Variants in ASTN2 observed in about 807,000 individuals in gnomAD.
ASTN2 encodes the protein astrotactin-2.
ASTN2 carries 54 observed loss-of-function variants against 139.8 expected under a neutral mutation model. The ratio of observed to expected loss-of-function variants is 0.39; its 90% confidence interval spans 0.31 to 0.48. ASTN2 has a LOEUF of 0.48. Among genes scored for constraint, ASTN2 ranks in the 20% least tolerant of loss-of-function variants. ASTN2 has a pLI of 0.95. For synonymous variants in ASTN2, 756 were observed against 719.5 expected, an observed-to-expected ratio of 1.05 and a Z score of -0.81; for missense variants, 1,565 against 1,725.1, an observed-to-expected ratio of 0.91 and a Z score of 1.64.
chr9:117,381,324 G>T (rs1830264243), intron 1 of ASTN2, among the ~76,000 whole-genome samples: 1 of 152,120 alleles, frequency 6.6e-6, no homozygotes, highest in South Asian at 2.1e-4. Context: ...AAGTGATATG[G>T]CTTGGATATT....
At chr9:116,743,521 C>A (rs1829150013) in intron 13 of ASTN2, among the ~76,000 whole-genome samples, 1 of 152,128 alleles carries the variant, frequency 6.6e-6, no homozygotes, top group Non-Finnish European at 1.5e-5. Context: ...CATGCCGCTG[C>A]ACTCCAGTGA....
At chr9:116,686,994 G>A (rs1230448650) in intron 16 of ASTN2, 10 of 1,421,424 alleles carry the variant, frequency 7.0e-6, no homozygotes, top group Non-Finnish European at 9.2e-6. Flanking sequence ...TACCCTGGAG[G>A]CTACCGTTTT....
chr9:116,466,588 C>G (rs1192683489), intron 20 of ASTN2, among the ~76,000 whole-genome samples: 1 of 152,146 alleles, frequency 6.6e-6, no homozygotes, highest in Non-Finnish European at 1.5e-5. Context: ...GACAGAACAT[C>G]CAGTGTAAGA....
At chr9:116,820,544 G>C in intron 12 of ASTN2, 73 bp downstream of exon 12, 1 of 1,537,506 alleles carries the variant, frequency 6.5e-7, no homozygotes, top group Non-Finnish European at 8.8e-7. Context: ...CTGAGCTGTA[G>C]TGTCTGATCA....
chr9:116,622,323 C>T (rs1322941594), intron 17 of ASTN2, among the ~76,000 whole-genome samples: 1 of 152,120 alleles, frequency 6.6e-6, no homozygotes, highest in Non-Finnish European at 1.5e-5. Flanking sequence ...TGTTCTTATC[C>T]ATATCTTCTC....
At chr9:116,703,951 A>G (rs1007741350) in intron 16 of ASTN2, among the ~76,000 whole-genome samples, 1 of 152,192 alleles carries the variant, frequency 6.6e-6, no homozygotes, top group African/African-American at 2.4e-5. Context: ...GTGTAGCAAA[A>G]TATACACTTA....
At chr9:117,322,958 A>AT (rs899042353) in intron 1 of ASTN2, among the ~76,000 whole-genome samples, 33 of 151,788 alleles carry the variant, frequency 2.2e-4, no homozygotes, top group Non-Finnish European at 3.5e-4. Flanking sequence ...AAGAACAATA[A>AT]TTTTTTTTTC....
intron 3 of ASTN2, among the ~76,000 whole-genome samples, chr9:117,183,991 AC>A (rs1397668769): frequency 6.6e-6 from 1 of 152,182 alleles, no homozygotes; most frequent in Non-Finnish European, 1.5e-5. Context: ...AGCCCTCAGA[AC>A]CAAGCCAATT....
In ASTN2 at chr9:116,698,257, G is replaced by T; in HGVS notation, c.2806+27514C>A. On this transcript the variant is annotated intron_variant, in intron 16 of 22. Coordinates refer to ENST00000313400, the MANE Select transcript of ASTN2 (RefSeq NM_001365068.1). This position sits in a 1 kb window ranked among gnomAD's most constrained non-coding sequence, Gnocchi z 4.4. ...CAGCGGCGGAAGGCAGCCTTGGAAG[G>T]TGTCTCCAAGGACCTTCAGGCAAGG... is the stretch of plus-strand genomic sequence containing the variant. 3 of 1,614,188 alleles carry T rather than the reference G, an allele frequency of 1.9e-6. No individual in the cohort carries two copies. The highest frequency in any genetic ancestry group is 2.5e-6 in the Non-Finnish European group (3 of 1,180,038).
intron 16 of ASTN2, among the ~76,000 whole-genome samples, chr9:116,667,262 C>T (rs1271746166): frequency 3.3e-5 from 5 of 151,656 alleles, no homozygotes; most frequent in South Asian, 4.2e-4. Flanking sequence ...GGCCTTGATC[C>T]GTATTTAAAT....
At position 116,675,451 on chromosome 9, in the gene ASTN2, G is replaced by A. The variant is rs77377187; in HGVS notation, c.2807-23658C>T. 2.3e-3 allele frequency among the ~76,000 whole-genome samples: 355 copies of A among 152,220 alleles called. 9 individuals carry two copies. In the East Asian group the frequency reaches 0.06, roughly 26 times the overall value. Reference sequence around the variant, plus strand: ...GTGTCTGCATCTGTAGCCCCATTGCGGGGTGTCTGTTTGGCTCCTTCCAGG... The same window carrying A: ...GTGTCTGCATCTGTAGCCCCATTGCAGGGTGTCTGTTTGGCTCCTTCCAGG... On this transcript the variant is annotated intron_variant, in intron 16 of 22. Transcript: ENST00000313400.
intron 1 of ASTN2, among the ~76,000 whole-genome samples, chr9:117,381,946 T>C (rs972886611): frequency 6.6e-6 from 1 of 152,058 alleles, no homozygotes; most frequent in African/African-American, 2.4e-5. Flanking sequence ...AGAGAAGATA[T>C]GGTTCACAGG....
intron 16 of ASTN2, chr9:116,687,189 C>T (rs1860276879): frequency 1.9e-6 from 2 of 1,041,398 alleles, no homozygotes; most frequent in Non-Finnish European, 2.3e-6. Context: ...CTCACCCCTG[C>T]AGGGCCGCCT....
At chr9:117,338,117 A>T (rs1164633390) in intron 1 of ASTN2, among the ~76,000 whole-genome samples, 2 of 152,214 alleles carry the variant, frequency 1.3e-5, no homozygotes, top group Admixed American at 6.5e-5. Flanking sequence ...CCTCACGGAC[A>T]TATGGAGAGA....
intron 16 of ASTN2, among the ~76,000 whole-genome samples, chr9:116,713,235 G>A (rs553399186): frequency 1.8e-4 from 27 of 152,176 alleles, no homozygotes; most frequent in Admixed American, 1.5e-3. Context: ...CCCATACCCC[G>A]GAGACTTATT....
chr9:116,446,480 A>T (rs910969535), intron 20 of ASTN2, among the ~76,000 whole-genome samples: 1 of 152,168 alleles, frequency 6.6e-6, no homozygotes, highest in Non-Finnish European at 1.5e-5. Context: ...AAAGCCCAGA[A>T]GGAAAAATGA....
intron 19 of ASTN2, among the ~76,000 whole-genome samples, chr9:116,608,408 C>A (rs1163583761): frequency 6.6e-6 from 1 of 152,132 alleles, no homozygotes; most frequent in Admixed American, 6.5e-5. Context: ...AACTTATGGG[C>A]AACTTGGTAG....
intron 1 of ASTN2, among the ~76,000 whole-genome samples, chr9:117,313,533 G>A (rs1358661091): frequency 6.6e-6 from 1 of 152,172 alleles, no homozygotes; most frequent in Non-Finnish European, 1.5e-5. Flanking sequence ...AGTTTCCTGG[G>A]CAGATGAGGA....
intron 2 of ASTN2, among the ~76,000 whole-genome samples, chr9:117,257,504 C>A (rs1374304162): frequency 6.6e-6 from 1 of 152,224 alleles, no homozygotes; most frequent in Non-Finnish European, 1.5e-5. Flanking sequence ...GCCATGCAAG[C>A]TGAAGCTTAA....
Sources: gnomAD v4.1 joint callset for allele counts (sites outside exome capture counted in the v4.1 genomes callset) on GRCh38, gnomAD v4.1.1 for gene constraint, Gnocchi (gnomAD v3.1) non-coding constraint, MANE v1.5 for transcripts, NCBI Gene and HGNC (gene_info 2026-07-23, HGNC 2026-07-21) for gene names.